Variants in ERBB4 observed in about 807,000 individuals in gnomAD.
The protein encoded by ERBB4 is receptor tyrosine-protein kinase erbB-4.
A neutral mutation model predicts 158.0 loss-of-function variants in ERBB4; 42 were observed. That is an observed-to-expected ratio of 0.27 (90% CI 0.21 to 0.34). The LOEUF is 0.34. Ranked by LOEUF, ERBB4 falls within the 10% of genes least tolerant of loss-of-function variation. The probability of loss-of-function intolerance (pLI) is 1.00; values close to 1 mark genes in which losing one functional copy is unlikely to be tolerated. For synonymous variants in ERBB4, 583 were observed against 558.7 expected (o/e 1.04, Z -0.61); for missense variants, 1,333 against 1,624.1 (o/e 0.82, Z 3.08).
intron 3 of ERBB4, among the ~76,000 whole-genome samples, chr2:211,797,023 A>C (rs59267808): frequency 6.6e-6 from 1 of 151,926 alleles, no homozygotes; most frequent in Non-Finnish European, 1.5e-5. Flanking sequence ...GTAGGTGATT[A>C]TCTCTCTGAT....
chr2:211,755,572 T>A (rs895548754), intron 4 of ERBB4, among the ~76,000 whole-genome samples: 2 of 152,242 alleles, frequency 1.3e-5, no homozygotes, highest in African/African-American at 4.8e-5. Context: ...ACCACTATTT[T>A]AATTCACAAG....
intron 1 of ERBB4, among the ~76,000 whole-genome samples, chr2:212,469,186 T>C (rs960585114): frequency 6.6e-6 from 1 of 152,206 alleles, no homozygotes; most frequent in Non-Finnish European, 1.5e-5. Context: ...ACTAAACATC[T>C]GAATAATCTG....
At chr2:212,078,980 T>G (rs1053524673) in intron 2 of ERBB4, among the ~76,000 whole-genome samples, 2 of 151,370 alleles carry the variant, frequency 1.3e-5, no homozygotes, top group African/African-American at 4.8e-5. Flanking sequence ...TACAGTTACC[T>G]ATCCACGTTA....
At chr2:212,055,003 A>G (rs1329411305) in intron 2 of ERBB4, among the ~76,000 whole-genome samples, 1 of 152,124 alleles carries the variant, frequency 6.6e-6, no homozygotes, top group African/African-American at 2.4e-5. Context: ...AGGGTGAGGT[A>G]TCTCCTCACC....
At chr2:211,820,920 T>C (rs2076981704) in intron 3 of ERBB4, among the ~76,000 whole-genome samples, 1 of 151,744 alleles carries the variant, frequency 6.6e-6, no homozygotes, top group Non-Finnish European at 1.5e-5. Flanking sequence ...CTCAACACAC[T>C]AAAAACAATT....
intron 19 of ERBB4, among the ~76,000 whole-genome samples, chr2:211,564,373 C>A (rs2067489490): frequency 1.3e-5 from 2 of 152,108 alleles, no homozygotes; most frequent in Admixed American, 1.3e-4. Context: ...CCCTTTACCT[C>A]TAGGAAATCT....
chr2:212,468,024 G>A (rs1688926475), intron 1 of ERBB4, among the ~76,000 whole-genome samples: 1 of 152,130 alleles, frequency 6.6e-6, no homozygotes, highest in South Asian at 2.1e-4. Context: ...GATATGCCTG[G>A]GTCCTGTAGC....
Position 212,104,259 on chromosome 2 carries a change from T to C in ERBB4, c.234+20493A>G, listed in dbSNP as rs570004979. Among the ~76,000 whole-genome samples the C allele has an allele frequency of 5.3e-5, 8 of 152,234 alleles. No homozygotes were observed. In the South Asian group the frequency reaches 1.5e-3, roughly 28 times the overall value. On this transcript the variant is annotated intron_variant, in intron 2 of 27. Transcript: ENST00000342788. ...CTTCACATTCAAAGAACTGTTTCTA[T>C]TCATCTTGGGATCCCTAGCAGGTAA...
At chr2:212,116,178 A>G (rs1402883873) in intron 2 of ERBB4, among the ~76,000 whole-genome samples, 1 of 151,638 alleles carries the variant, frequency 6.6e-6, no homozygotes, top group Non-Finnish European at 1.5e-5. Flanking sequence ...TTATATATGC[A>G]TAGATATAAA....
At chr2:211,875,535 G>A (rs1167079391) in intron 3 of ERBB4, among the ~76,000 whole-genome samples, 1 of 152,152 alleles carries the variant, frequency 6.6e-6, no homozygotes, top group African/African-American at 2.4e-5. Context: ...TATGATGGTG[G>A]TCTCATAAGA....
intron 2 of ERBB4, among the ~76,000 whole-genome samples, chr2:211,976,779 A>G (rs1204942931): frequency 1.3e-5 from 2 of 152,176 alleles, no homozygotes; most frequent in East Asian, 3.8e-4. Context: ...GTCCGAGGCA[A>G]CATCTACAAT....
At chr2:212,124,659 C>T (rs995691744) in intron 2 of ERBB4, 93 bp downstream of exon 2, 6 of 1,403,420 alleles carry the variant, frequency 4.3e-6, no homozygotes, top group Non-Finnish European at 6.1e-6. Flanking sequence ...GGCAGAAGAG[C>T]ACCCCTTCCA....
chr2:212,268,177 T>C (rs913318657), intron 1 of ERBB4, among the ~76,000 whole-genome samples: 4 of 152,046 alleles, frequency 2.6e-5, no homozygotes, highest in African/African-American at 4.8e-5. Flanking sequence ...GGGGTTAGCA[T>C]GTGGCCAAGA....
intron 5 of ERBB4, among the ~76,000 whole-genome samples, chr2:211,750,172 C>T (rs2075089184): frequency 6.6e-6 from 1 of 152,104 alleles, no homozygotes; most frequent in Non-Finnish European, 1.5e-5. Flanking sequence ...TTCCATAATT[C>T]ATAAAGTTTT....
At chr2:212,089,510 C>G (rs1197331273) in intron 2 of ERBB4, among the ~76,000 whole-genome samples, 1 of 152,186 alleles carries the variant, frequency 6.6e-6, no homozygotes, top group African/African-American at 2.4e-5. Flanking sequence ...AGTCCTCATG[C>G]ATGGTTTAGC....
In ERBB4 at chr2:211,430,968, C is replaced by G; in HGVS notation, c.2620G>C (p.Glu874Gln). The G allele has an allele frequency of 1.9e-6, 3 of 1,613,824 alleles. No homozygotes were observed. Among genetic ancestry groups the G allele is most frequent in the Non-Finnish European group, 2.5e-6 (3 of 1,179,796 alleles). The change falls in exon 21 of 28, where the codon GAG becomes CAG. Residue 874 changes from glutamate (E) to glutamine (Q), a missense_variant. Glu to Gln is a conservative substitution (Grantham distance 29). Coordinates refer to ENST00000342788, the MANE Select transcript of ERBB4 (RefSeq NM_005235.3). ...ACCTTTCCTCCATCAGCATTGTACT[C>G]TTTTTCATCTCCTTCCAAGAGTCTG... is the stretch of plus-strand genomic sequence containing the variant. ...LARLLEGDEK[E>Q]YNADGGKMPI...
chr2:211,410,510 G>A lies in ERBB4; in HGVS notation c.3135+9931C>T, dbSNP rs147921932. 3.5e-3 allele frequency among the ~76,000 whole-genome samples: 531 copies of A among 152,178 alleles called. 2 individuals carry two copies. Among genetic ancestry groups the A allele is most frequent in the African/African-American group, 0.012 (484 of 41,536 alleles). On this transcript the variant is annotated intron_variant, in intron 25 of 27. Transcript: ENST00000342788. Reference sequence around the variant, plus strand: ...AACATTTATTACAAGAGAAAATGTCGAAAGGGATACAGGCAATTATTTAAC... The same window carrying A: ...AACATTTATTACAAGAGAAAATGTCAAAAGGGATACAGGCAATTATTTAAC...
intron 1 of ERBB4, among the ~76,000 whole-genome samples, chr2:212,217,040 C>A (rs2105941769): frequency 6.6e-6 from 1 of 151,494 alleles, no homozygotes; most frequent in East Asian, 1.9e-4. Flanking sequence ...ATGCCTTGAG[C>A]ACACAATAAA....
intron 20 of ERBB4, among the ~76,000 whole-genome samples, chr2:211,490,304 A>C (rs568884067): frequency 1.7e-4 from 13 of 76,570 alleles, no homozygotes; most frequent in African/African-American, 6.5e-4. Flanking sequence ...GAAACTCATT[A>C]TTTCTTTCTT....
Sources: allele counts gnomAD v4.1 joint callset (sites outside exome capture counted in the v4.1 genomes callset), GRCh38; gene constraint gnomAD v4.1.1; transcripts MANE v1.5; gene names NCBI Gene and HGNC (gene_info 2026-07-23, HGNC 2026-07-21).